The following CACNA1G variants were observed in gnomAD, a reference collection of about 807,000 sequenced individuals.
CACNA1G encodes calcium voltage-gated channel subunit alpha1 G.
A neutral mutation model predicts 219.4 loss-of-function variants in CACNA1G; 67 were observed. That is an observed-to-expected ratio of 0.31 (90% CI 0.25 to 0.37). The LOEUF (loss-of-function observed/expected upper bound fraction) is 0.37. CACNA1G is among the 10% of genes least tolerant of loss of function. CACNA1G has a pLI of 1.00. For synonymous variants in CACNA1G, 1,296 were observed against 1,345.3 expected (o/e 0.96, Z 0.80); for missense variants, 2,380 against 3,231.4 (o/e 0.74, Z 6.39).
In CACNA1G at chr17:50,624,091, C is replaced by T; in HGVS notation, c.6229+16C>T. ...GCTCAGTCAGGTACCAGGGCTAGAG[C>T]AGGCCAATTTGGCTCACACAGGGAG... On this transcript the variant is annotated intron_variant, in intron 36 of 37. Coordinates refer to ENST00000359106, the MANE Select transcript of CACNA1G (RefSeq NM_018896.5). The T allele has an allele frequency of 6.2e-7, 1 of 1,605,820 alleles. No homozygotes were observed. Among genetic ancestry groups the T allele is most frequent in the Non-Finnish European group, 8.5e-7 (1 of 1,174,402 alleles).
intron 34 of CACNA1G, among the ~76,000 whole-genome samples, chr17:50,620,463 A>G (rs2051571229): frequency 6.6e-6 from 1 of 152,098 alleles, no homozygotes; most frequent in Non-Finnish European, 1.5e-5. Context: ...ACAGCGCCAC[A>G]TGGCCCTCTC....
At chr17:50,606,231 G>C (rs199892912) in intron 23 of CACNA1G, 3 of 754,044 alleles carry the variant, frequency 4.0e-6, no homozygotes, top group Non-Finnish European at 7.2e-6. Flanking sequence ...GTCTCTAGCC[G>C]TCCTTAAAGA....
At chr17:50,563,485 G>A (rs558915437) in intron 1 of CACNA1G, among the ~76,000 whole-genome samples, 11 of 152,298 alleles carry the variant, frequency 7.2e-5, no homozygotes, top group Middle Eastern at 3.4e-3. Context: ...CAACCTCTAT[G>A]TCCTCCTTCT....
At position 50,626,509 on chromosome 17, in the gene CACNA1G, C is replaced by T. The variant is rs755917885; in HGVS notation, c.6892C>T (p.Pro2298Ser). The stretch of plus-strand genomic sequence containing the variant: ...CCTTGGGGGCCAGCCTCTTGGGGGG[C>T]CTGGGAGCCGGCCCAAGAAAAAACT... ...SNLGGQPLGG[P>S]GSRPKKKLSP... Residue 2298 changes from proline to serine, a missense_variant, in exon 38 of 38, where the codon CCT (proline) becomes TCT (serine). Around this residue, in one of 17 missense-constraint regions of CACNA1G, gnomAD observed 672 missense variants for 670.5 expected, o/e 1.00. Transcript: ENST00000359106. The surrounding 1 kb of genome is among the most constrained non-coding windows in gnomAD (Gnocchi z 4.3). The T allele has an allele frequency of 3.7e-5, 58 of 1,577,034 alleles. No individual in the cohort carries two copies. The highest frequency in any genetic ancestry group is 4.6e-5 in the Non-Finnish European group (54 of 1,163,644).
chr17:50,589,112 G>A lies in CACNA1G; in HGVS notation c.2302-1359G>A, dbSNP rs74807493. The stretch of plus-strand genomic sequence containing the variant: ...GCCCTCCAGGCCAGACACCTAGTTT[G>A]TCCAGACATCCATCAGGTGGACAGT... On this transcript the variant is annotated intron_variant, in intron 9 of 37. Coordinates refer to ENST00000359106, the MANE Select transcript of CACNA1G (RefSeq NM_018896.5). 1.8e-3 allele frequency among the ~76,000 whole-genome samples: 269 copies of A among 152,314 alleles called. 2 individuals carry two copies. The highest frequency in any genetic ancestry group is 6.1e-3 in the African/African-American group (253 of 41,568).
At chr17:50,622,732 A>G (rs2052474236) in intron 35 of CACNA1G, among the ~76,000 whole-genome samples, 2 of 152,142 alleles carry the variant, frequency 1.3e-5, no homozygotes, top group South Asian at 4.1e-4. Flanking sequence ...AGGCTCCCTC[A>G]TGCTGGAGTC....
At position 50,596,743 on chromosome 17, in the gene CACNA1G, A is replaced by AGAG. The variant is rs1260994812; in HGVS notation, c.3079_3081dup (p.Glu1027dup). 6.2e-7 allele frequency: 1 copy of AGAG among 1,613,442 alleles called. No homozygotes were observed. Among genetic ancestry groups the AGAG allele is most frequent in the South Asian group, 1.1e-5 (1 of 91,024 alleles). ...CTCCCCGTGCAGTGGTGTCCCTGGG[A>AGAG]GAGCACCCGGAGCTGCGGAAGAGCC... On this transcript the variant is annotated inframe_insertion, in exon 16 of 38. Coordinates refer to ENST00000359106, the MANE Select transcript of CACNA1G (RefSeq NM_018896.5). This position sits in a 1 kb window ranked among gnomAD's most constrained non-coding sequence, Gnocchi z 4.8.
chr17:50,608,108 C>A, intron 25 of CACNA1G, 89 bp downstream of exon 25: 2 of 1,243,550 alleles, frequency 1.6e-6, no homozygotes, highest in Non-Finnish European at 1.1e-6. Flanking sequence ...GGGGGCTGGG[C>A]GCTGGGGCCG....
intron 19 of CACNA1G, among the ~76,000 whole-genome samples, chr17:50,601,931 C>T (rs1051252728): frequency 1.3e-5 from 2 of 152,142 alleles, no homozygotes; most frequent in African/African-American, 4.8e-5. Flanking sequence ...TTCAGCGCTG[C>T]TGGGGCTTCT....
Position 50,596,669 on chromosome 17 carries a change from G to A in CACNA1G, c.3064+23G>A, listed in dbSNP as rs761646489. On this transcript the variant is annotated intron_variant, in intron 15 of 37. Transcript: ENST00000359106. The surrounding 1 kb of genome is among the most constrained non-coding windows in gnomAD (Gnocchi z 4.8). ...CCTGTGAGTACCTATCCTGGGGTGC[G>A]ACTTTTGGCCCTGGGCCAGCCCTGT... The A allele has an allele frequency of 8.1e-6, 13 of 1,613,720 alleles. No individual in the cohort carries two copies. Among genetic ancestry groups the A allele is most frequent in the South Asian group, 4.4e-5 (4 of 91,052 alleles).
In CACNA1G at chr17:50,599,778, G is replaced by A. The variant is rs778933337; in HGVS notation, c.3609G>A (p.Ser1203=). ...ASEHQDCNGK[S]ASGRLARALR... ...AGCACCAGGACTGCAATGGCAAGTC[G>A]GCTTCAGGGCGCCTGGCCCGGGCCC... Residue 1203 remains serine, a synonymous_variant, in exon 17 of 38, where the codon TCG becomes TCA. Coordinates refer to ENST00000359106, the MANE Select transcript of CACNA1G (RefSeq NM_018896.5). 5.0e-6 allele frequency: 8 copies of A among 1,613,190 alleles called. No homozygotes were observed. In the East Asian group the frequency reaches 6.7e-5, roughly 13 times the overall value.
chr17:50,616,999 C>T (rs751519714), intron 28 of CACNA1G, among the ~76,000 whole-genome samples: 6 of 152,090 alleles, frequency 3.9e-5, no homozygotes, highest in African/African-American at 1.2e-4. Context: ...CACTGCCACA[C>T]GCAGCTAATT....
intron 1 of CACNA1G, among the ~76,000 whole-genome samples, chr17:50,564,736 G>T (rs188074880): frequency 6.6e-6 from 1 of 152,044 alleles, no homozygotes; most frequent in African/African-American, 2.4e-5. Flanking sequence ...AGGAAATGGT[G>T]GGGGGAGTGT....
At chr17:50,619,051 G>A in intron 33 of CACNA1G, 43 bp downstream of exon 33, 1 of 1,443,020 alleles carries the variant, frequency 6.9e-7, no homozygotes, top group Non-Finnish European at 9.2e-7. Context: ...GCTGGGGCAG[G>A]AGAAGGGTGT....
chr17:50,616,893 T>TG (rs1388167717), intron 28 of CACNA1G, among the ~76,000 whole-genome samples: 3 of 152,188 alleles, frequency 2.0e-5, no homozygotes, highest in African/African-American at 7.2e-5. Flanking sequence ...CAGGCTGGAG[T>TG]GCAGCAGCTC....
intron 22 of CACNA1G, 111 bp from the exon 23 acceptor site, chr17:50,605,787 C>A: frequency 8.5e-7 from 1 of 1,182,502 alleles, no homozygotes; most frequent in Non-Finnish European, 1.2e-6. Context: ...GAGCAGAGCA[C>A]CCCACACTCA....
At chr17:50,566,032 C>A (rs1334229469) in intron 1 of CACNA1G, among the ~76,000 whole-genome samples, 2 of 152,090 alleles carry the variant, frequency 1.3e-5, no homozygotes, top group African/African-American at 4.8e-5. Context: ...AACCAGTGTC[C>A]CCCGTTCCCT....
intron 35 of CACNA1G, among the ~76,000 whole-genome samples, chr17:50,623,469 C>A (rs1348379594): frequency 6.6e-6 from 1 of 151,794 alleles, no homozygotes; most frequent in Non-Finnish European, 1.5e-5. Context: ...AGGGCCCCAG[C>A]CCATCCCTGT....
chr17:50,577,224 C>T (rs547815712), intron 8 of CACNA1G, among the ~76,000 whole-genome samples: 3 of 152,080 alleles, frequency 2.0e-5, no homozygotes, highest in African/African-American at 7.2e-5. Flanking sequence ...AAGGCTGGGC[C>T]CATAATTACT....
Sources: allele counts gnomAD v4.1 joint callset (sites outside exome capture counted in the v4.1 genomes callset), GRCh38; gene constraint gnomAD v4.1.1; regional missense constraint gnomAD v4.1.1; non-coding constraint Gnocchi (gnomAD v3.1); transcripts MANE v1.5; gene names NCBI Gene and HGNC (gene_info 2026-07-23, HGNC 2026-07-21).